WFDC2: variants seen among roughly 807,000 people sequenced by gnomAD.
WFDC2 encodes the protein WAP four-disulfide core domain 2.
A neutral mutation model predicts 12.5 loss-of-function variants in WFDC2; 8 were observed. The observed-to-expected ratio is 0.64, with a 90% CI of 0.37 to 1.15. WFDC2 has a LOEUF of 1.15. Ranked by LOEUF, WFDC2 falls within the 50% of genes most tolerant of loss-of-function variation. The pLI, the probability that WFDC2 is intolerant of heterozygous loss-of-function variation, is 0.01. For synonymous variants in WFDC2, 74 were observed against 67.2 expected, an observed-to-expected ratio of 1.10 and a Z score of -0.49; for missense variants, 166 against 159.9, an observed-to-expected ratio of 1.04 and a Z score of -0.21.
chr20:45,472,230 T>C (rs2038204168), intron 2 of WFDC2, among the ~76,000 whole-genome samples: 1 of 152,182 alleles, frequency 6.6e-6, no homozygotes, highest in African/African-American at 2.4e-5. Flanking sequence ...CAACCCGTCA[T>C]CTACATTAGG....
At chr20:45,469,890 T>G in intron 1 of WFDC2, 30 bp downstream of exon 1, 1 of 1,573,788 alleles carries the variant, frequency 6.4e-7, no homozygotes, top group African/African-American at 1.4e-5. Flanking sequence ...GCCCGGCGCC[T>G]AGAGGGGCCG....
At chr20:45,477,568 G>A (rs990156426) in intron 2 of WFDC2, among the ~76,000 whole-genome samples, 16 of 152,222 alleles carry the variant, frequency 1.1e-4, no homozygotes, top group Admixed American at 3.9e-4. Flanking sequence ...AGGGGCACCC[G>A]CCAGATGCCA....
chr20:45,479,863 G>A (rs150529863), intron 2 of WFDC2, 79 bp from the exon 3 acceptor site: 20 of 1,613,804 alleles, frequency 1.2e-5, no homozygotes, highest in Middle Eastern at 1.6e-4. Context: ...GAGGGGCAGT[G>A]GGGGGGCCAT....
intron 2 of WFDC2, among the ~76,000 whole-genome samples, chr20:45,471,615 G>A (rs1768766053): frequency 6.6e-6 from 1 of 152,198 alleles, no homozygotes; most frequent in Non-Finnish European, 1.5e-5. Context: ...CCTCCTCTGG[G>A]CCAGGGAGAG....
intron 2 of WFDC2, among the ~76,000 whole-genome samples, chr20:45,472,909 T>C (rs1991190202): frequency 6.6e-6 from 1 of 152,246 alleles, no homozygotes; most frequent in Non-Finnish European, 1.5e-5. Flanking sequence ...TGTTATCTCA[T>C]TGTGGTTTTG....
intron 2 of WFDC2, 155 bp from the exon 3 acceptor site, chr20:45,479,787 C>T: frequency 2.5e-6 from 4 of 1,613,710 alleles, no homozygotes; most frequent in Non-Finnish European, 3.4e-6. Flanking sequence ...TCCTGGGCCT[C>T]CTGAGAGCAG....
In WFDC2 at chr20:45,470,606, C is replaced by T. The variant is rs1418252520; in HGVS notation, c.223+74C>T. The T allele has an allele frequency of 2.0e-6, 3 of 1,482,966 alleles. No individual in the cohort carries two copies. The highest frequency in any genetic ancestry group is 9.0e-7 in the Non-Finnish European group (1 of 1,116,704). 91.9% of individuals were successfully genotyped at this position (1,482,966 alleles called of 1,614,324 possible). A position where few individuals can be genotyped will look rare whatever the true frequency, so the allele number is the denominator to read the frequency against. ...GGGAGGAGGTGGGAGGGCCCGGGTT[C>T]CGGGAACAGGGGCGCCCCCGGACCC... On this transcript the variant is annotated intron_variant, in intron 2 of 3. Coordinates refer to ENST00000372676, the MANE Select transcript of WFDC2 (RefSeq NM_006103.4). The surrounding 1 kb of genome is among the most constrained non-coding windows in gnomAD (Gnocchi z 5.4).
chr20:45,472,287 G>C (rs1991182135), intron 2 of WFDC2, among the ~76,000 whole-genome samples: 1 of 152,064 alleles, frequency 6.6e-6, no homozygotes, highest in African/African-American at 2.4e-5. Flanking sequence ...CCCCCCGACA[G>C]GCCCTGGTGT....
rs1442350792 is a variant in WFDC2 at position 45,470,506 on chromosome 20, G to C, written c.197G>C (p.Cys66Ser). Reference sequence around the variant, plus strand: ...AACCTCAAGTGCTGCAGCGCGGGCTGTGCCACCTTCTGCTCTCTGCCCAAT... The same window carrying C: ...AACCTCAAGTGCTGCAGCGCGGGCTCTGCCACCTTCTGCTCTCTGCCCAAT... ...ADNLKCCSAG[C>S]ATFCSLPNDK... Residue 66 changes from cysteine (C) to serine (S), a missense_variant, in exon 2 of 4, where the codon TGT (cysteine) becomes TCT (serine). Coordinates refer to ENST00000372676, the MANE Select transcript of WFDC2 (RefSeq NM_006103.4). The surrounding 1 kb of genome is among the most constrained non-coding windows in gnomAD (Gnocchi z 5.4). The C allele has an allele frequency of 6.3e-7, 1 of 1,599,610 alleles. No individual in the cohort carries two copies.
chr20:45,469,884 G>A (rs1239666092), intron 1 of WFDC2, 24 bp downstream of exon 1: 1 of 1,582,384 alleles, frequency 6.3e-7, no homozygotes, highest in Admixed American at 1.8e-5. Context: ...GGAGAGGCCC[G>A]GCGCCTAGAG....
intron 2 of WFDC2, among the ~76,000 whole-genome samples, chr20:45,475,522 T>C (rs1991222500): frequency 6.6e-6 from 1 of 152,252 alleles, no homozygotes; most frequent in South Asian, 2.1e-4. Context: ...AATTCTAATT[T>C]GATGGCACTG....
intron 2 of WFDC2, chr20:45,479,365 T>C (rs931835399): frequency 1.1e-5 from 5 of 447,140 alleles, no homozygotes; most frequent in Non-Finnish European, 1.6e-5. Context: ...GCCTCAATTC[T>C]GTGTGACCTT....
chr20:45,473,188 G>C (rs967878423), intron 2 of WFDC2, among the ~76,000 whole-genome samples: 1 of 152,002 alleles, frequency 6.6e-6, no homozygotes, highest in African/African-American at 2.4e-5. Flanking sequence ...TAGTTTAATT[G>C]GATCCCATTT....
chr20:45,476,058 G>A (rs995245911), intron 2 of WFDC2, among the ~76,000 whole-genome samples: 4 of 151,842 alleles, frequency 2.6e-5, no homozygotes, highest in Admixed American at 6.6e-5. Context: ...TTTATTTTGA[G>A]CCTATGTGTC....
Position 45,479,955 on chromosome 20 carries a change from C to T in WFDC2, c.237C>T (p.Ser79=), listed in dbSNP as rs61390195. The T allele has an allele frequency of 1.1e-5, 17 of 1,614,232 alleles. No individual in the cohort carries two copies. The East Asian group carries it at 2.5e-4, about 23-fold the overall frequency. ...TTTTCTACCCAGATAAGGAGGGTTC[C>T]TGCCCCCAGGTGAACATTAACTTTC... ...FCSLPNDKEG[S]CPQVNINFPQ... Residue 79 remains serine, a synonymous_variant, in exon 3 of 4, where the codon TCC becomes TCT. Coordinates refer to ENST00000372676, the MANE Select transcript of WFDC2 (RefSeq NM_006103.4).
intron 3 of WFDC2, among the ~76,000 whole-genome samples, chr20:45,480,366 G>A (rs2145508068): frequency 6.6e-6 from 1 of 151,984 alleles, no homozygotes; most frequent in East Asian, 1.9e-4. Flanking sequence ...AGCACTTTGG[G>A]AGGCTGAGGT....
At position 45,470,527 on chromosome 20, in the gene WFDC2, C is replaced by G. The variant is rs1325983143; in HGVS notation, c.218C>G (p.Pro73Arg). ...SAGCATFCSLPNDKEGSCPQV... is the reference protein window; with the variant it reads ...SAGCATFCSLRNDKEGSCPQV... The stretch of plus-strand genomic sequence containing the variant: ...GGCTGTGCCACCTTCTGCTCTCTGC[C>G]CAATGGTAACCCCACGGCGGCCGAG... The change falls in exon 2 of 4, where the codon CCC (proline) becomes CGC (arginine). Residue 73 changes from proline to arginine, a missense_variant. Coordinates refer to ENST00000372676, the MANE Select transcript of WFDC2 (RefSeq NM_006103.4). The surrounding 1 kb of genome is among the most constrained non-coding windows in gnomAD (Gnocchi z 5.4). The G allele has an allele frequency of 1.9e-6, 3 of 1,595,228 alleles. No individual in the cohort carries two copies. Among genetic ancestry groups the G allele is most frequent in the Non-Finnish European group, 1.7e-6 (2 of 1,170,358 alleles).
chr20:45,472,782 G>C (rs1991189078), intron 2 of WFDC2, among the ~76,000 whole-genome samples: 2 of 152,164 alleles, frequency 1.3e-5, no homozygotes, highest in African/African-American at 4.8e-5. Flanking sequence ...CTTCCACAAT[G>C]GTTGAACTAA....
chr20:45,470,393 A>T lies in WFDC2; in HGVS notation c.84A>T (p.Thr28=). 6.3e-7 allele frequency: 1 copy of T among 1,585,784 alleles called. No individual in the cohort carries two copies. Among genetic ancestry groups the T allele is most frequent in the East Asian group, 2.3e-5 (1 of 43,512 alleles). Residue 28 remains threonine (T), a synonymous_variant, in exon 2 of 4, where the codon ACA becomes ACT. Coordinates refer to ENST00000372676, the MANE Select transcript of WFDC2 (RefSeq NM_006103.4). This position sits in a 1 kb window ranked among gnomAD's most constrained non-coding sequence, Gnocchi z 5.4. ...LLFGFTLVSG[T]GAEKTGVCPE... is the part of the protein sequence containing the mutation. ...GTCCCGGGCCTCCCCTCCCAGGCAC[A>T]GGAGCAGAGAAGACTGGCGTGTGCC...
Sources: gnomAD v4.1 joint callset for allele counts (sites outside exome capture counted in the v4.1 genomes callset) on GRCh38, gnomAD v4.1.1 for gene constraint, Gnocchi (gnomAD v3.1) non-coding constraint, MANE v1.5 for transcripts, NCBI Gene and HGNC (gene_info 2026-07-23, HGNC 2026-07-21) for gene names.